Variants in KCND3 observed in about 807,000 individuals in gnomAD.
KCND3 encodes the protein A-type voltage-gated potassium channel KCND3.
KCND3 carries 9 observed loss-of-function variants against 51.1 expected under a neutral mutation model. The observed-to-expected ratio is 0.18, with a 90% CI of 0.11 to 0.31. The LOEUF is 0.31. KCND3 is among the 10% of genes least tolerant of loss of function. The pLI, the probability that KCND3 is intolerant of heterozygous loss-of-function variation, is 1.00. For missense variants in KCND3, 526 were observed against 903.8 expected, an observed-to-expected ratio of 0.58 and a Z score of 5.36; for synonymous variants, 349 against 368.0, an observed-to-expected ratio of 0.95 and a Z score of 0.59.
intron 2 of KCND3, among the ~76,000 whole-genome samples, chr1:111,893,341 G>C (rs1475991572): frequency 6.6e-6 from 1 of 152,124 alleles, no homozygotes; most frequent in Non-Finnish European, 1.5e-5. Context: ...AGGATGACTA[G>C]GAGTTTGCTG....
intron 2 of KCND3, among the ~76,000 whole-genome samples, chr1:111,822,930 A>G (rs563063017): frequency 6.6e-6 from 1 of 152,366 alleles, no homozygotes; most frequent in South Asian, 2.1e-4. Context: ...CTGTAACAAG[A>G]CTATGAACAA....
chr1:111,834,256 T>C (rs556914438), intron 2 of KCND3, among the ~76,000 whole-genome samples: 1 of 152,308 alleles, frequency 6.6e-6, no homozygotes, highest in South Asian at 2.1e-4. Flanking sequence ...GAGAATTTTC[T>C]TGTAAGGGGG....
At chr1:111,785,240 C>T (rs1013857240) in intron 3 of KCND3, among the ~76,000 whole-genome samples, 5 of 152,286 alleles carry the variant, frequency 3.3e-5, no homozygotes, top group Admixed American at 6.5e-5. Context: ...GGGGGCAGGG[C>T]CACTAGAGGA....
intron 2 of KCND3, among the ~76,000 whole-genome samples, chr1:111,794,992 T>A (rs957535605): frequency 1.3e-5 from 2 of 152,170 alleles, no homozygotes; most frequent in Non-Finnish European, 2.9e-5. Flanking sequence ...CTATGGTTTC[T>A]GGGGAGCCAA....
At chr1:111,779,381 C>T (rs1010350898) in intron 5 of KCND3, among the ~76,000 whole-genome samples, 20 of 152,184 alleles carry the variant, frequency 1.3e-4, no homozygotes, top group African/African-American at 2.4e-5. Flanking sequence ...GGATATGGAA[C>T]ATCTAGAATT....
intron 2 of KCND3, among the ~76,000 whole-genome samples, chr1:111,907,792 A>G (rs1279373338): frequency 6.6e-6 from 1 of 152,232 alleles, no homozygotes. Flanking sequence ...ACTGGAAAGG[A>G]AAGCTGTCTG....
intron 2 of KCND3, among the ~76,000 whole-genome samples, chr1:111,925,515 G>C (rs754219216): frequency 1.3e-5 from 2 of 152,188 alleles, no homozygotes; most frequent in Admixed American, 6.5e-5. Flanking sequence ...AGGTTCTGGA[G>C]TCAGACACAA....
At chr1:111,777,357 CTCTGT>C (rs1664174592) in intron 6 of KCND3, 84 bp from the exon 7 acceptor site, 1 of 1,466,882 alleles carries the variant, frequency 6.8e-7, no homozygotes, top group South Asian at 1.1e-5. Flanking sequence ...GGCTGCCTGT[CTCTGT>C]TCTGGACCTT....
chr1:111,813,328 GA>G, intron 2 of KCND3, among the ~76,000 whole-genome samples: 1 of 152,270 alleles, frequency 6.6e-6, no homozygotes, highest in Admixed American at 6.5e-5. Context: ...TTTCCCTTTA[GA>G]AAATTACATA....
intron 2 of KCND3, among the ~76,000 whole-genome samples, chr1:111,874,122 A>C (rs1668947677): frequency 6.6e-6 from 1 of 152,220 alleles, no homozygotes; most frequent in African/African-American, 2.4e-5. Flanking sequence ...GCTCATTTCC[A>C]TACTGGTTGA....
intron 2 of KCND3, among the ~76,000 whole-genome samples, chr1:111,850,368 C>T (rs505850): frequency 1.3e-5 from 2 of 152,196 alleles, no homozygotes; most frequent in Admixed American, 1.3e-4. Flanking sequence ...GACACAGCTC[C>T]TGAGCCTCTA....
At position 111,771,564 on chromosome 1, in the gene KCND3, A is replaced by G. The variant is rs1218345777; in HGVS notation, c.*4513T>C. 4 of 152,232 alleles carry G rather than the reference A, an allele frequency of 2.6e-5. No individual in the cohort carries two copies. The highest frequency in any genetic ancestry group is 2.6e-4 in the Admixed American group (4 of 15,280). The allele number at this position is 152,232 out of a possible 1,614,324, so 9.4% of individuals were successfully genotyped here. ...AAATCTAGTGTTAGCTCAATTTTCA[A>G]CCACTTCCTCTGCAAAACTTAAGGA... On this transcript the variant is annotated 3_prime_UTR_variant, in exon 8 of 8. Coordinates refer to ENST00000302127, the MANE Select transcript of KCND3 (RefSeq NM_001378969.1).
At chr1:111,812,075 A>G (rs890403210) in intron 2 of KCND3, among the ~76,000 whole-genome samples, 11 of 152,164 alleles carry the variant, frequency 7.2e-5, no homozygotes. Context: ...ACAGGACCAT[A>G]GTGATGACTG....
rs548827682 is a variant in KCND3, at chr1:111,947,362, A to G, written c.1106+34259T>C. Among the ~76,000 whole-genome samples, 113 of 152,356 alleles carry G rather than the reference A, an allele frequency of 7.4e-4. 1 individual carries two copies. Among genetic ancestry groups the G allele is most frequent in the African/African-American group, 2.6e-3 (110 of 41,584 alleles). On this transcript the variant is annotated intron_variant, in intron 2 of 7. Transcript: ENST00000302127. ...TAAAACAAGGTTCTTGCCCTCATGG[A>G]GCTTACATAAATGGGGCAATACATA...
intron 2 of KCND3, among the ~76,000 whole-genome samples, chr1:111,856,420 C>G (rs932885341): frequency 6.6e-6 from 1 of 152,234 alleles, no homozygotes; most frequent in African/African-American, 2.4e-5. Context: ...TGGAAGCTCT[C>G]TGCGTGCTGT....
chr1:111,928,735 C>G (rs1671825510), intron 2 of KCND3, among the ~76,000 whole-genome samples: 1 of 152,176 alleles, frequency 6.6e-6, no homozygotes, highest in African/African-American at 2.4e-5. Flanking sequence ...CAGGAGACCT[C>G]AGGGTCCTGG....
chr1:111,966,658 GAC>G (rs1200588309), intron 2 of KCND3, among the ~76,000 whole-genome samples: 1 of 152,174 alleles, frequency 6.6e-6, no homozygotes, highest in Non-Finnish European at 1.5e-5. Context: ...AGGTCCTCTT[GAC>G]ACAGAGTCCC....
chr1:111,985,510 C>T (rs933624637), intron 1 of KCND3, among the ~76,000 whole-genome samples: 3 of 152,226 alleles, frequency 2.0e-5, no homozygotes, highest in Admixed American at 1.3e-4. Flanking sequence ...ACCCAGGAGG[C>T]AGCATAGTGA....
In KCND3 at chr1:111,787,036, G is replaced by T; in HGVS notation, c.1177C>A (p.Leu393Met). Residue 393 changes from leucine (L) to methionine (M), a missense_variant, in exon 3 of 8, where the codon CTG (leucine) becomes ATG (methionine). By Grantham distance (15) the Leu-to-Met change is conservative. Transcript: ENST00000302127. ...ACAGGGACTGGCAGGGCAATGACCA[G>T]GACGCCACTCAAGGAGCAGATGGAG... is the stretch of plus-strand genomic sequence containing the variant. ...FGSICSLSGV[L>M]VIALPVPVIV... The T allele has an allele frequency of 6.2e-7, 1 of 1,614,196 alleles. No individual in the cohort carries two copies. The highest frequency in any genetic ancestry group is 8.5e-7 in the Non-Finnish European group (1 of 1,180,036).
Sources: gnomAD v4.1 joint callset for allele counts (sites outside exome capture counted in the v4.1 genomes callset) on GRCh38, gnomAD v4.1.1 for gene constraint, MANE v1.5 for transcripts, NCBI Gene and HGNC (gene_info 2026-07-23, HGNC 2026-07-21) for gene names.